HNRNPH1: variants seen among roughly 807,000 people sequenced by gnomAD.
The protein encoded by HNRNPH1 is heterogeneous nuclear ribonucleoprotein H.
In HNRNPH1, 4 loss-of-function variants were observed where a neutral mutation model predicts 58.6. The ratio of observed to expected loss-of-function variants is 0.07; its 90% CI spans 0.03 to 0.16. The LOEUF is 0.16. HNRNPH1 is among the 10% of genes least tolerant of loss of function. HNRNPH1 has a pLI of 1.00. For missense variants in HNRNPH1, 271 were observed against 564.2 expected, an observed-to-expected ratio of 0.48 and a Z score of 5.26; for synonymous variants, 192 against 189.2, an observed-to-expected ratio of 1.01 and a Z score of -0.12.
Position 179,623,015 on chromosome 5 carries a change from C to T in HNRNPH1, c.97+22G>A, listed in dbSNP as rs572544944. The stretch of plus-strand genomic sequence containing the variant: ...CCGCCCCGGCCTCGAACTCGAACTC[C>T]CGCGTCCTAGTTCTAACTCACCAGA... On this transcript the variant is annotated intron_variant, in intron 1 of 12. Coordinates refer to ENST00000356731, the Ensembl canonical transcript of HNRNPH1. 461 of 1,297,130 alleles carry T rather than the reference C, an allele frequency of 3.6e-4. 2 individuals carry two copies. The South Asian group carries it at 5.2e-3, about 15-fold the overall frequency. 80.4% of individuals were successfully genotyped at this position (1,297,130 alleles called of 1,614,324 possible). A position where few individuals can be genotyped will look rare whatever the true frequency, so the allele number is the denominator to read the frequency against.
At chr5:179,623,560 T>C (rs768512187) in exon 1 of HNRNPH1, 41 of 166,340 alleles carry the variant, frequency 2.5e-4, no homozygotes, top group Non-Finnish European at 5.0e-4. Flanking sequence ...CCCAGAGATA[T>C]GGGGACAAAC....
At chr5:179,631,336 G>C (rs78357094) in intron 2 of HNRNPH1, among the ~76,000 whole-genome samples, 2,376 of 152,264 alleles carry the variant, frequency 0.016, 98 homozygotes, top group South Asian at 0.1. Context: ...TCTAGGTTCC[G>C]TGTGGTGGCT....
At chr5:179,632,397 C>G (rs1232654510) in intron 2 of HNRNPH1, among the ~76,000 whole-genome samples, 4 of 152,264 alleles carry the variant, frequency 2.6e-5, no homozygotes, top group Non-Finnish European at 5.9e-5. Context: ...CCAGGCAGCA[C>G]GGTCCGCCCT....
chr5:179,622,439 G>A (rs905161143), intron 1 of HNRNPH1, among the ~76,000 whole-genome samples: 6 of 152,152 alleles, frequency 3.9e-5, no homozygotes, highest in Admixed American at 1.3e-4. Context: ...GGCCAGGCGC[G>A]GTGGCTCACG....
chr5:179,626,592 T>C (rs2127732413), upstream of HNRNPH1, among the ~76,000 whole-genome samples: 1 of 150,704 alleles, frequency 6.6e-6, no homozygotes, highest in South Asian at 2.1e-4. Flanking sequence ...GTCGCGTGCC[T>C]GTAATCCCAG....
intron 11 of HNRNPH1, 124 bp from the exon 13 acceptor site, chr5:179,615,719 C>G (rs1429866252): frequency 3.6e-6 from 2 of 557,980 alleles, no homozygotes; most frequent in Non-Finnish European, 6.5e-6. Flanking sequence ...CTGAACCCAA[C>G]CACCATTCTA....
At chr5:179,628,119 G>A (rs1424695100), upstream of HNRNPH1, among the ~76,000 whole-genome samples, 1 of 151,822 alleles carries the variant, frequency 6.6e-6, no homozygotes, top group Non-Finnish European at 1.5e-5. Flanking sequence ...CACTGCACCC[G>A]GCCTATGATT....
At chr5:179,623,080 C>A (rs1773496211) in exon 1 of HNRNPH1, 2 of 1,607,904 alleles carry the variant, frequency 1.2e-6, no homozygotes, top group Non-Finnish European at 8.5e-7. Flanking sequence ...AAGACCAGGG[C>A]AAGCCCCGGA....
At chr5:179,623,445 A>C in exon 1 of HNRNPH1, 3 of 220,654 alleles carry the variant, frequency 1.4e-5, no homozygotes, top group East Asian at 1.3e-4. Flanking sequence ...TTCTCACACA[A>C]TAGAGTCGGC....
intron 4 of HNRNPH1, 199 bp from the exon 6 acceptor site, chr5:179,618,522 GAA>G (rs750930795): frequency 1.3e-3 from 369 of 287,098 alleles, no homozygotes; most frequent in Middle Eastern, 2.9e-3. Context: ...AAACTTTATA[GAA>G]AAAAAAAAAA....
At position 179,618,163 on chromosome 5, in the gene HNRNPH1, G is replaced by A. The variant is rs1408974367; in HGVS notation, c.697C>T (p.Arg233Cys). ...CACGTACCTCCACCATAAGCACCAC[G>A]CCTCATCCTCTCAAAGCCAGCTCCT... The change falls in exon 5 of 13, where the codon CGT (arginine) becomes TGT (cysteine). Residue 233 changes from arginine to cysteine, a missense_variant. By Grantham distance (180) the Arg-to-Cys change is radical. This residue lies in a region of HNRNPH1 where 33 missense variants were observed against 29.5 expected (regional missense o/e 1.12). Coordinates refer to ENST00000356731, the Ensembl canonical transcript of HNRNPH1. 3 of 1,613,740 alleles carry A rather than the reference G, an allele frequency of 1.9e-6. No individual in the cohort carries two copies. Among genetic ancestry groups the A allele is most frequent in the Non-Finnish European group, 1.7e-6 (2 of 1,179,916 alleles).
At chr5:179,619,553 AT>A in intron 3 of HNRNPH1, 146 bp from the exon 5 acceptor site, 1 of 611,320 alleles carries the variant, frequency 1.6e-6, no homozygotes, top group Middle Eastern at 2.6e-4. Flanking sequence ...TTAAATATGC[AT>A]TGCAATAATA....
At chr5:179,616,299 T>C in intron 10 of HNRNPH1, 81 bp from the exon 12 acceptor site, 1 of 1,107,226 alleles carries the variant, frequency 9.0e-7, no homozygotes, top group African/African-American at 1.5e-5. Flanking sequence ...ATTCTATAGC[T>C]ATCATTTTCC....
At chr5:179,614,656 A>C (rs1467830166) in exon 13 of HNRNPH1, 2 of 475,892 alleles carry the variant, frequency 4.2e-6, no homozygotes, top group African/African-American at 1.9e-5. Context: ...TCACTGTTAC[A>C]TCCTAGATGA....
In HNRNPH1 at chr5:179,619,254, A is replaced by T. The variant is rs1284172283; in HGVS notation, c.536+15T>A. ...ATAAGAAAAGTGACATATCCAACCA[A>T]CCATCCATCCCCACCTGTGCCCTAT... is the stretch of plus-strand genomic sequence containing the variant. On this transcript the variant is annotated intron_variant, in intron 4 of 12. Coordinates refer to ENST00000356731, the Ensembl canonical transcript of HNRNPH1. 25 of 1,593,010 alleles carry T rather than the reference A, an allele frequency of 1.6e-5. No individual in the cohort carries two copies. The highest frequency in any genetic ancestry group is 1.9e-5 in the Non-Finnish European group (22 of 1,168,804).
upstream of HNRNPH1, among the ~76,000 whole-genome samples, chr5:179,627,108 A>ATCAT: frequency 6.6e-6 from 1 of 152,144 alleles, no homozygotes; most frequent in African/African-American, 2.4e-5. Flanking sequence ...CTTACAGTTT[A>ATCAT]CAGAGCTCTT....
chr5:179,630,525 G>C (rs7445274), intron 2 of HNRNPH1, among the ~76,000 whole-genome samples: 6,473 of 152,206 alleles, frequency 0.043, 480 homozygotes, highest in African/African-American at 0.15. Flanking sequence ...AATTAAGAGA[G>C]CTGGAAAGGA....
intron 2 of HNRNPH1, among the ~76,000 whole-genome samples, chr5:179,632,934 T>G (rs1774972225): frequency 7.0e-6 from 1 of 142,464 alleles, no homozygotes; most frequent in Non-Finnish European, 1.5e-5. Flanking sequence ...CTCGGCTCAC[T>G]GCAACATCCA....
chr5:179,621,125 G>T, intron 2 of HNRNPH1, 90 bp from the exon 4 acceptor site: 2 of 1,508,238 alleles, frequency 1.3e-6, no homozygotes, highest in South Asian at 1.2e-5. Context: ...AGGAAGAGCT[G>T]CCACAAACTC....
Sources: allele counts gnomAD v4.1 joint callset (sites outside exome capture counted in the v4.1 genomes callset), GRCh38; gene constraint gnomAD v4.1.1; regional missense constraint gnomAD v4.1.1; transcripts MANE v1.5; gene names NCBI Gene and HGNC (gene_info 2026-07-23, HGNC 2026-07-21).